ARHGEF3: variants seen among roughly 807,000 people sequenced by gnomAD.
ARHGEF3 encodes the protein 59.8 kDA protein.
In ARHGEF3, 28 loss-of-function variants were observed where a neutral mutation model predicts 63.2. That is an observed-to-expected ratio of 0.44 (90% CI 0.33 to 0.61). The LOEUF is 0.61. Ranked by LOEUF, ARHGEF3 falls within the 20% of genes least tolerant of loss-of-function variation. The pLI, the probability that ARHGEF3 is intolerant of heterozygous loss-of-function variation, is 0.03. For missense variants in ARHGEF3, 533 were observed against 659.3 expected (o/e 0.81, Z 2.10); for synonymous variants, 266 against 254.2 (o/e 1.05, Z -0.44).
chr3:56,835,115 C>T (rs2039064502), intron 4 of ARHGEF3, among the ~76,000 whole-genome samples: 1 of 152,062 alleles, frequency 6.6e-6, no homozygotes, highest in African/African-American at 2.4e-5. Context: ...AATATAAATT[C>T]TCTAAATTAT....
chr3:56,947,336 T>C (rs537698966), intron 3 of ARHGEF3, among the ~76,000 whole-genome samples: 48 of 152,182 alleles, frequency 3.2e-4, no homozygotes, highest in Non-Finnish European at 6.6e-4. Flanking sequence ...GACTGGCAAA[T>C]TGGATAAAGA....
intron 4 of ARHGEF3, among the ~76,000 whole-genome samples, chr3:56,813,733 C>T (rs2038157990): frequency 6.6e-6 from 1 of 152,174 alleles, no homozygotes; most frequent in Admixed American, 6.5e-5. Context: ...TAAAAAAAAC[C>T]TGTAACAATA....
chr3:56,840,729 C>A (rs1038017729), intron 4 of ARHGEF3, among the ~76,000 whole-genome samples: 2 of 152,074 alleles, frequency 1.3e-5, no homozygotes, highest in Admixed American at 1.3e-4. Context: ...GAAAGAGCAA[C>A]CAGGAGTGCA....
chr3:56,997,172 G>A (rs910006351), intron 2 of ARHGEF3, among the ~76,000 whole-genome samples: 2 of 152,134 alleles, frequency 1.3e-5, no homozygotes, highest in African/African-American at 4.8e-5. Flanking sequence ...TTTCCACTGA[G>A]CAGCTCAGCC....
At chr3:56,915,218 CTGAAGCTTGAGCT>C (rs2041955692) in intron 3 of ARHGEF3, among the ~76,000 whole-genome samples, 1 of 151,970 alleles carries the variant, frequency 6.6e-6, no homozygotes, top group Non-Finnish European at 1.5e-5. Flanking sequence ...CTTTGGGAGG[CTGAAGCTTGAGCT>C]CAAGGAGGAT....
intron 2 of ARHGEF3, among the ~76,000 whole-genome samples, chr3:56,760,005 C>A (rs1159823704): frequency 6.6e-6 from 1 of 152,174 alleles, no homozygotes; most frequent in African/African-American, 2.4e-5. Context: ...ATAGTCTGGA[C>A]AGACCTATTG....
At chr3:56,934,436 C>A (rs991868529) in intron 3 of ARHGEF3, among the ~76,000 whole-genome samples, 3 of 152,230 alleles carry the variant, frequency 2.0e-5, no homozygotes, top group African/African-American at 7.2e-5. Flanking sequence ...GGCTGAAGCC[C>A]ATTCCCTCAG....
intron 2 of ARHGEF3, among the ~76,000 whole-genome samples, chr3:57,002,479 T>TTA (rs1159985048): frequency 0.033 from 1,293 of 39,452 alleles, 173 homozygotes; most frequent in African/African-American, 0.16. Context: ...TATATATATG[T>TTA]TATATATATA....
intron 1 of ARHGEF3, among the ~76,000 whole-genome samples, chr3:57,048,804 T>C (rs1011029274): frequency 6.6e-6 from 1 of 152,104 alleles, no homozygotes; most frequent in Non-Finnish European, 1.5e-5. Flanking sequence ...CTCCTGCTAA[T>C]TGCAGGAGGG....
rs1219875726 is a variant in ARHGEF3, at chr3:56,733,348, C to A, written c.1042-924G>T. ...GGGCGGGGCGGGGGGGGGGGGGGGGCGCCTGTAATCCCAGCTACTCAGGAG... is the reference window on the plus strand; with the variant it reads ...GGGCGGGGCGGGGGGGGGGGGGGGGAGCCTGTAATCCCAGCTACTCAGGAG... On this transcript the variant is annotated intron_variant, in intron 8 of 9. Coordinates refer to ENST00000296315, the MANE Select transcript of ARHGEF3 (RefSeq NM_019555.3). Among the ~76,000 whole-genome samples the A allele has an allele frequency of 7.5e-5, 4 of 53,334 alleles. 1 individual carries two copies. The South Asian group carries it at 1.6e-3, about 22-fold the overall frequency. 35.0% of individuals were successfully genotyped at this position (53,334 alleles called of 152,430 possible). A position where few individuals can be genotyped will look rare whatever the true frequency, so the allele number is the denominator to read the frequency against.
At chr3:57,055,971 G>C (rs1560166143) in intron 1 of ARHGEF3, among the ~76,000 whole-genome samples, 1 of 152,206 alleles carries the variant, frequency 6.6e-6, no homozygotes, top group Admixed American at 6.5e-5. Flanking sequence ...GACAGCATCT[G>C]GCTGTCAGAT....
At chr3:57,007,131 G>T in intron 2 of ARHGEF3, 3 of 1,218,976 alleles carry the variant, frequency 2.5e-6, no homozygotes, top group Non-Finnish European at 3.2e-6. Flanking sequence ...GTGCACTTTT[G>T]TTTTTATGTT....
At chr3:56,859,992 C>G (rs1003235926) in intron 4 of ARHGEF3, among the ~76,000 whole-genome samples, 8 of 151,690 alleles carry the variant, frequency 5.3e-5, no homozygotes, top group Non-Finnish European at 7.4e-5. Context: ...GAAACCCTGT[C>G]TCTATTAAAA....
At chr3:56,769,337 A>C (rs1055312036) in intron 2 of ARHGEF3, among the ~76,000 whole-genome samples, 1 of 152,188 alleles carries the variant, frequency 6.6e-6, no homozygotes, top group Non-Finnish European at 1.5e-5. Flanking sequence ...CCCCTTTCAG[A>C]GCTGGGCCAG....
chr3:56,829,005 C>A (rs934514946), intron 4 of ARHGEF3, among the ~76,000 whole-genome samples: 3 of 152,132 alleles, frequency 2.0e-5, no homozygotes, highest in African/African-American at 4.8e-5. Context: ...TGGCTCACTG[C>A]GATCTCTGTC....
chr3:56,949,726 A>G (rs1185940125), intron 3 of ARHGEF3, among the ~76,000 whole-genome samples: 4 of 152,062 alleles, frequency 2.6e-5, no homozygotes, highest in Admixed American at 1.3e-4. Context: ...TATAGATTCA[A>G]TGCCATCCCC....
At chr3:56,984,945 C>T (rs1179118060) in intron 2 of ARHGEF3, among the ~76,000 whole-genome samples, 8 of 152,224 alleles carry the variant, frequency 5.3e-5, no homozygotes, top group Non-Finnish European at 1.5e-5. Flanking sequence ...ATCAGTTACC[C>T]TTCCAGATAC....
intron 2 of ARHGEF3, among the ~76,000 whole-genome samples, chr3:57,002,758 A>G (rs1702305312): frequency 1.4e-5 from 2 of 147,066 alleles, no homozygotes; most frequent in African/African-American, 5.0e-5. Context: ...GCCTTAGAAG[A>G]AGAAGTTCTA....
At chr3:56,916,699 C>T (rs978134041) in intron 3 of ARHGEF3, among the ~76,000 whole-genome samples, 11 of 152,182 alleles carry the variant, frequency 7.2e-5, no homozygotes, top group Admixed American at 6.5e-5. Context: ...TCGGCTGCAG[C>T]GGCTGTGCTG....
Sources: gnomAD v4.1 joint callset for allele counts (sites outside exome capture counted in the v4.1 genomes callset) on GRCh38, gnomAD v4.1.1 for gene constraint, MANE v1.5 for transcripts, NCBI Gene and HGNC (gene_info 2026-07-23, HGNC 2026-07-21) for gene names.